METTL16: variants seen among roughly 807,000 people sequenced by gnomAD.
The protein encoded by METTL16 is methyltransferase 16, RNA N6-adenosine.
A neutral mutation model predicts 57.9 loss-of-function variants in METTL16; 19 were observed. The ratio of observed to expected loss-of-function variants is 0.33; its 90% confidence interval spans 0.23 to 0.48. The LOEUF (loss-of-function observed/expected upper bound fraction) is 0.48. Among genes scored for constraint, METTL16 ranks in the 20% least tolerant of loss-of-function variants. The pLI, the probability that METTL16 is intolerant of heterozygous loss-of-function variation, is 0.99. For missense variants in METTL16, 434 were observed against 691.5 expected (o/e 0.63, Z 4.18); for synonymous variants, 246 against 255.6 (o/e 0.96, Z 0.36).
chr17:2,451,972 C>A (rs1289285571), intron 6 of METTL16, among the ~76,000 whole-genome samples: 1 of 151,386 alleles, frequency 6.6e-6, no homozygotes, highest in East Asian at 1.9e-4. Flanking sequence ...ATGGCAAGAC[C>A]CCATCTCTAC....
chr17:2,474,406 AAG>A, intron 3 of METTL16, among the ~76,000 whole-genome samples: 1 of 150,328 alleles, frequency 6.7e-6, no homozygotes, highest in Non-Finnish European at 1.5e-5. Flanking sequence ...AAAAAAAAAA[AAG>A]CTAAACTAAA....
At chr17:2,429,362 A>AT (rs1042733181) in intron 8 of METTL16, among the ~76,000 whole-genome samples, 66 of 149,804 alleles carry the variant, frequency 4.4e-4, no homozygotes, top group Non-Finnish European at 8.7e-4. Flanking sequence ...CTAAATTTGT[A>AT]TTTTTAATAG....
At chr17:2,477,965 C>G (rs899861091) in intron 2 of METTL16, 80 bp from the exon 3 acceptor site, 1 of 1,203,840 alleles carries the variant, frequency 8.3e-7, no homozygotes, top group African/African-American at 1.5e-5. Flanking sequence ...ACAGGCAGAA[C>G]CAAATACCCA....
intron 2 of METTL16, among the ~76,000 whole-genome samples, chr17:2,501,788 G>A (rs1289705594): frequency 6.6e-6 from 1 of 151,802 alleles, no homozygotes; most frequent in Non-Finnish European, 1.5e-5. Context: ...AACCTGGGAG[G>A]CAGAGGTTGC....
intron 4 of METTL16, among the ~76,000 whole-genome samples, chr17:2,469,182 A>C (rs2067221161): frequency 6.6e-6 from 1 of 152,168 alleles, no homozygotes; most frequent in South Asian, 2.1e-4. Flanking sequence ...GGTTGCAGTG[A>C]GCAGCAGATT....
intron 7 of METTL16, 101 bp from the exon 8 acceptor site, chr17:2,438,299 T>G (rs1431929705): frequency 1.2e-6 from 1 of 841,524 alleles, no homozygotes; most frequent in Non-Finnish European, 2.0e-6. Flanking sequence ...TTCTTTTTAA[T>G]CAGTTAACAA....
At chr17:2,508,521 C>A (rs749311446) in intron 1 of METTL16, among the ~76,000 whole-genome samples, 4 of 152,154 alleles carry the variant, frequency 2.6e-5, no homozygotes, top group Non-Finnish European at 4.4e-5. Context: ...CTGCCTCCCC[C>A]ATTCACAACA....
rs869134753 is a variant in METTL16 at position 2,417,085 on chromosome 17, T to TTTTTTTTTTTTTTTTA, written c.*2884_*2885insTAAAAAAAAAAAAAAA. ...TTTTTTTTTTTTTTTTTTTTTTTTT[T>TTTTTTTTTTTTTTTTA]GAGACAGTCCCACTTTGTCGCCCAG... On this transcript the variant is annotated 3_prime_UTR_variant, in exon 10 of 10. Coordinates refer to ENST00000263092, the MANE Select transcript of METTL16 (RefSeq NM_024086.4). 2.4e-4 allele frequency: 33 copies of TTTTTTTTTTTTTTTTA among 138,434 alleles called. 1 individual carries two copies. Among genetic ancestry groups the TTTTTTTTTTTTTTTTA allele is most frequent in the African/African-American group, 9.1e-4 (32 of 35,042 alleles). The allele number at this position is 138,434 out of a possible 1,614,324, so 8.6% of individuals were successfully genotyped here.
Position 2,417,819 on chromosome 17 carries a change from G to A in METTL16, c.*2151C>T, listed in dbSNP as rs2066731772. 6.6e-6 allele frequency: 1 copy of A among 152,122 alleles called. No homozygotes were observed. The highest frequency in any genetic ancestry group is 1.5e-5 in the Non-Finnish European group (1 of 68,034). 9.4% of individuals were successfully genotyped at this position (152,122 alleles called of 1,614,324 possible). On this transcript the variant is annotated 3_prime_UTR_variant, in exon 10 of 10. Transcript: ENST00000263092. ...ACTTTCATTTTTCCAAATCTTTAAT[G>A]AGCATGTGCCACTCTTTCATAATGA...
chr17:2,502,644 C>T (rs1015904589), intron 1 of METTL16, among the ~76,000 whole-genome samples: 6 of 151,652 alleles, frequency 4.0e-5, no homozygotes, highest in African/African-American at 9.7e-5. Context: ...GCCGAGATCA[C>T]GCCATTGCAC....
chr17:2,474,257 C>G (rs2067254528), intron 3 of METTL16, among the ~76,000 whole-genome samples: 1 of 151,940 alleles, frequency 6.6e-6, no homozygotes, highest in Admixed American at 6.6e-5. Context: ...TTTGTAATAT[C>G]TTAAAATGGA....
At chr17:2,493,255 ATT>A (rs1006370667) in intron 2 of METTL16, among the ~76,000 whole-genome samples, 1 of 150,924 alleles carries the variant, frequency 6.6e-6, no homozygotes. Context: ...CGCCCGGCTA[ATT>A]TTTTTGTATT....
intron 8 of METTL16, among the ~76,000 whole-genome samples, chr17:2,434,039 T>C (rs1340932979): frequency 1.3e-5 from 2 of 152,158 alleles, no homozygotes; most frequent in East Asian, 3.9e-4. Context: ...CAGAAAACAA[T>C]GTCTGATTTG....
chr17:2,495,366 TGA>T (rs1379499659), intron 2 of METTL16, among the ~76,000 whole-genome samples: 1 of 151,832 alleles, frequency 6.6e-6, no homozygotes, highest in African/African-American at 2.4e-5. Flanking sequence ...TTGGGATTGA[TGA>T]GAGGAGGTCA....
At chr17:2,466,866 G>A (rs145534749) in intron 5 of METTL16, among the ~76,000 whole-genome samples, 16 of 151,042 alleles carry the variant, frequency 1.1e-4, no homozygotes, top group Admixed American at 5.3e-4. Context: ...GCAGTAACAC[G>A]ATCCTGGCTC....
At chr17:2,442,648 G>C (rs980698994) in intron 6 of METTL16, among the ~76,000 whole-genome samples, 2 of 152,124 alleles carry the variant, frequency 1.3e-5, no homozygotes, top group African/African-American at 2.4e-5. Flanking sequence ...AACTGAAAGA[G>C]GGGACGTCCC....
chr17:2,420,944 T>C lies in METTL16; in HGVS notation c.889-40A>G, dbSNP rs758388239. 6 of 1,596,538 alleles carry C rather than the reference T, an allele frequency of 3.8e-6. No homozygotes were observed. The South Asian group carries it at 6.8e-5, about 18-fold the overall frequency. On this transcript the variant is annotated intron_variant, in intron 8 of 9. Coordinates refer to ENST00000263092, the MANE Select transcript of METTL16 (RefSeq NM_024086.4). The surrounding 1 kb of genome is among the most constrained non-coding windows in gnomAD (Gnocchi z 5.4). ...AAGCATAGAAAAGAGAAGAAAGTTATCCGAATAATTAAACCTCATGCATTG... is the reference window on the plus strand; with the variant it reads ...AAGCATAGAAAAGAGAAGAAAGTTACCCGAATAATTAAACCTCATGCATTG...
chr17:2,452,340 C>T lies in METTL16; in HGVS notation c.729-10781G>A, dbSNP rs564923781. ...CATTTCAGATTGAATGTCATATATA[C>T]GCTGTTTTCAGCAACAGTTGTATTT... On this transcript the variant is annotated intron_variant, in intron 6 of 9. Coordinates refer to ENST00000263092, the MANE Select transcript of METTL16 (RefSeq NM_024086.4). 2.0e-4 allele frequency among the ~76,000 whole-genome samples: 31 copies of T among 152,132 alleles called. No individual in the cohort carries two copies. In the South Asian group the frequency reaches 5.4e-3, roughly 26 times the overall value.
At chr17:2,425,608 A>G (rs1399113580) in intron 8 of METTL16, among the ~76,000 whole-genome samples, 2 of 152,136 alleles carry the variant, frequency 1.3e-5, no homozygotes, top group African/African-American at 4.8e-5. Flanking sequence ...TCAATCAGGC[A>G]CAAACAAACA....
Sources: allele counts gnomAD v4.1 joint callset (sites outside exome capture counted in the v4.1 genomes callset), GRCh38; gene constraint gnomAD v4.1.1; non-coding constraint Gnocchi (gnomAD v3.1); transcripts MANE v1.5; gene names NCBI Gene and HGNC (gene_info 2026-07-23, HGNC 2026-07-21).